Variants in MTUS2 observed in about 807,000 individuals in gnomAD.
The protein encoded by MTUS2 is microtubule-associated tumor suppressor candidate 2.
A neutral mutation model predicts 114.1 loss-of-function variants in MTUS2; 40 were observed. The ratio of observed to expected loss-of-function variants is 0.35; its 90% CI spans 0.27 to 0.46. The LOEUF is 0.46. Among genes scored for constraint, MTUS2 ranks in the 20% least tolerant of loss-of-function variants. MTUS2 has a pLI of 1.00. For missense variants in MTUS2, 1,679 were observed against 1,705.4 expected, an observed-to-expected ratio of 0.98 and a Z score of 0.27; for synonymous variants, 688 against 672.0, an observed-to-expected ratio of 1.02 and a Z score of -0.37.
chr13:29,471,741 A>G, intron 9 of MTUS2, among the ~76,000 whole-genome samples: 2 of 120,942 alleles, frequency 1.7e-5, no homozygotes, highest in Non-Finnish European at 3.6e-5. Context: ...CTGCAGGCCC[A>G]GCCCCCCCCG....
At chr13:28,937,620 G>A (rs745941648) in intron 2 of MTUS2, among the ~76,000 whole-genome samples, 4 of 152,134 alleles carry the variant, frequency 2.6e-5, no homozygotes, top group African/African-American at 7.2e-5. Flanking sequence ...GTTTCACACC[G>A]CCTGATGGAC....
chr13:28,976,203 CAAAA>C (rs71090215), intron 2 of MTUS2, among the ~76,000 whole-genome samples: 913 of 90,152 alleles, frequency 0.01, 32 homozygotes, highest in Admixed American at 0.08. Context: ...GACCTTGTCT[CAAAA>C]AAAAAAAAAA....
At chr13:28,981,955 G>C (rs1884379147) in intron 2 of MTUS2, among the ~76,000 whole-genome samples, 1 of 152,154 alleles carries the variant, frequency 6.6e-6, no homozygotes, top group African/African-American at 2.4e-5. Context: ...GCTTCCGAGT[G>C]CCCCAGCCTT....
intron 7 of MTUS2, among the ~76,000 whole-genome samples, chr13:29,332,770 G>C (rs1447691911): frequency 4.0e-5 from 6 of 151,208 alleles, no homozygotes; most frequent in Admixed American, 3.3e-4. Flanking sequence ...GAGTAGCTGG[G>C]ACTACAGGCG....
intron 2 of MTUS2, among the ~76,000 whole-genome samples, chr13:28,866,851 C>T (rs992143056): frequency 6.6e-6 from 1 of 151,676 alleles, no homozygotes; most frequent in South Asian, 2.1e-4. Flanking sequence ...ACATCCTCCT[C>T]GAAATATATA....
intron 8 of MTUS2, chr13:29,428,794 C>T (rs1469312619): frequency 1.9e-6 from 3 of 1,612,516 alleles, no homozygotes; most frequent in Non-Finnish European, 2.5e-6. Flanking sequence ...AGGAGTTGCC[C>T]GCTGACACCT....
intron 2 of MTUS2, among the ~76,000 whole-genome samples, chr13:28,983,971 C>T (rs1374636758): frequency 1.3e-5 from 2 of 152,258 alleles, no homozygotes; most frequent in African/African-American, 4.8e-5. Context: ...TTCTCTGTCT[C>T]TCCACTCTCT....
chr13:28,913,285 C>T (rs1880556783), intron 2 of MTUS2, among the ~76,000 whole-genome samples: 1 of 151,940 alleles, frequency 6.6e-6, no homozygotes, highest in South Asian at 2.1e-4. Context: ...GAGGTATGTT[C>T]CTTCAATACC....
chr13:29,452,572 A>ATG (rs1448764367), intron 9 of MTUS2, among the ~76,000 whole-genome samples: 561 of 48,658 alleles, frequency 0.012, 3 homozygotes, highest in African/African-American at 0.035. Flanking sequence ...ATATATATAT[A>ATG]TATGTGTGTG....
At chr13:29,042,296 CT>C (rs1887400920) in intron 4 of MTUS2, among the ~76,000 whole-genome samples, 1 of 152,106 alleles carries the variant, frequency 6.6e-6, no homozygotes, top group Non-Finnish European at 1.5e-5. Context: ...TAAACCACCC[CT>C]GCATCCCTAC....
intron 5 of MTUS2, among the ~76,000 whole-genome samples, chr13:29,241,390 T>C (rs965606203): frequency 6.6e-6 from 1 of 152,202 alleles, no homozygotes; most frequent in Admixed American, 6.5e-5. Flanking sequence ...TAAGGAGGTA[T>C]TCATTTATTT....
At chr13:28,869,730 C>T (rs1042208424) in intron 2 of MTUS2, among the ~76,000 whole-genome samples, 11 of 152,054 alleles carry the variant, frequency 7.2e-5, no homozygotes, top group African/African-American at 2.4e-4. Context: ...GAGATCACGC[C>T]GTTGCACACC....
At chr13:29,491,167 TGTG>T (rs1301491644) in intron 11 of MTUS2, among the ~76,000 whole-genome samples, 1 of 143,366 alleles carries the variant, frequency 7.0e-6, no homozygotes, top group African/African-American at 2.6e-5. Flanking sequence ...ATGGGGAGTG[TGTG>T]GTGTGTGGTG....
chr13:29,485,352 T>G (rs1297702295), intron 10 of MTUS2: 1 of 152,656 alleles, frequency 6.6e-6, no homozygotes, highest in African/African-American at 2.4e-5. Flanking sequence ...TTATATGGAT[T>G]AATACTATGA....
chr13:28,873,120 A>G (rs920176466), intron 2 of MTUS2, among the ~76,000 whole-genome samples: 3 of 152,228 alleles, frequency 2.0e-5, no homozygotes, highest in Non-Finnish European at 4.4e-5. Flanking sequence ...AAATAAATAT[A>G]TTTTTAGACA....
Position 29,415,309 on chromosome 13 carries a change from T to C in MTUS2, c.3118-24674T>C, listed in dbSNP as rs576748796. On this transcript the variant is annotated intron_variant, in intron 8 of 15. Coordinates refer to ENST00000612955, the MANE Select transcript of MTUS2 (RefSeq NM_001033602.4). The stretch of plus-strand genomic sequence containing the variant: ...GCTATAAGATTTACATAATGGATTA[T>C]GTTGAGGGTTTCTTAATCCACTTTA... Among the ~76,000 whole-genome samples the C allele has an allele frequency of 2.0e-5, 3 of 152,296 alleles. No homozygotes were observed. The South Asian group carries it at 6.2e-4, about 32-fold the overall frequency.
At chr13:29,020,199 C>A (rs1051297958) in intron 2 of MTUS2, among the ~76,000 whole-genome samples, 1 of 152,078 alleles carries the variant, frequency 6.6e-6, no homozygotes, top group Non-Finnish European at 1.5e-5. Flanking sequence ...ATATCAATTA[C>A]TTCTAAGGCC....
chr13:28,901,537 A>G (rs1056976942), intron 2 of MTUS2, among the ~76,000 whole-genome samples: 3 of 152,156 alleles, frequency 2.0e-5, no homozygotes, highest in Non-Finnish European at 4.4e-5. Flanking sequence ...AATTTTTGCA[A>G]TAGGATATAA....
chr13:28,940,467 C>T lies in MTUS2; in HGVS notation c.-242-83990C>T, dbSNP rs561036201. Among the ~76,000 whole-genome samples the T allele has an allele frequency of 2.4e-4, 37 of 152,050 alleles. No individual in the cohort carries two copies. In the East Asian group the frequency reaches 6.0e-3, roughly 25 times the overall value. On this transcript the variant is annotated intron_variant, in intron 2 of 15. Transcript: ENST00000612955. ...TACCAGGGTTTGTGGGGAGAAGGGG[C>T]GTGGGAAGTAACTACTTAGTGGGTT... is the stretch of plus-strand genomic sequence containing the variant.
Sources: gnomAD v4.1 joint callset for allele counts (sites outside exome capture counted in the v4.1 genomes callset) on GRCh38, gnomAD v4.1.1 for gene constraint, MANE v1.5 for transcripts, NCBI Gene and HGNC (gene_info 2026-07-23, HGNC 2026-07-21) for gene names.